Variants in STMN3 observed in about 807,000 individuals in gnomAD.
STMN3 encodes stathmin 3, also known as stathmin-3.
Under a neutral mutation model 23.2 loss-of-function variants are expected in STMN3, and 24 were observed. The observed-to-expected ratio is 1.03, with a 90% CI of 0.75 to 1.45. STMN3 has a LOEUF of 1.45. Ranked by LOEUF, STMN3 falls within the 40% of genes most tolerant of loss-of-function variation. The pLI is 0.00. For synonymous variants in STMN3, 117 were observed against 103.4 expected (o/e 1.13, Z -0.80); for missense variants, 235 against 237.6 (o/e 0.99, Z 0.07).
intron 1 of STMN3, among the ~76,000 whole-genome samples, chr20:63,649,444 C>G (rs1382903428): frequency 6.6e-6 from 1 of 152,118 alleles, no homozygotes; most frequent in African/African-American, 2.4e-5. Flanking sequence ...TGCCGAGGCC[C>G]AGACCCATCC....
At chr20:63,648,321 C>T (rs2089834246) in intron 1 of STMN3, among the ~76,000 whole-genome samples, 1 of 151,968 alleles carries the variant, frequency 6.6e-6, no homozygotes, top group African/African-American at 2.4e-5. Flanking sequence ...TACCTGGGTC[C>T]TGAGAGGATA....
At chr20:63,647,926 A>G (rs1159640276) in intron 1 of STMN3, among the ~76,000 whole-genome samples, 1 of 52,756 alleles carries the variant, frequency 1.9e-5, no homozygotes, top group East Asian at 2.3e-4. Flanking sequence ...ATTAATATAT[A>G]TACGTATATA....
rs767265773 is a variant in STMN3 at position 63,643,810 on chromosome 20, G to GCC, written c.236_237insGG (p.Asp79GlufsTer27). 36 of 1,561,866 alleles carry GCC rather than the reference G, an allele frequency of 2.3e-5. No individual in the cohort carries two copies. The highest frequency in any genetic ancestry group is 2.9e-5 in the Non-Finnish European group (34 of 1,163,906). Reference sequence around the variant, plus strand: ...GCTTTTGCAGCTCCTCCAGGGAGGTGTCCTTCTTCTTGGGTGGGGAGGAGA... The same window carrying GCC: ...GCTTTTGCAGCTCCTCCAGGGAGGTGCCTCCTTCTTCTTGGGTGGGGAGGAGA... On this transcript the variant is annotated frameshift_variant, in exon 3 of 5. Coordinates refer to ENST00000370053, the MANE Select transcript of STMN3 (RefSeq NM_015894.4). LOFTEE classifies it high-confidence loss of function.
rs1168365349 is a variant in STMN3 at position 63,647,930 on chromosome 20, G to A, written c.20-3621C>T. ...CGTGTGTATATATTAATATATATAC[G>A]TATATATGTGTGTGTGTGTATATAT... On this transcript the variant is annotated intron_variant, in intron 1 of 4. Transcript: ENST00000370053. 2.2e-4 allele frequency among the ~76,000 whole-genome samples: 14 copies of A among 64,836 alleles called. 1 individual carries two copies. Among genetic ancestry groups the A allele is most frequent in the South Asian group, 1.3e-3 (3 of 2,330 alleles). 42.5% of individuals were successfully genotyped at this position (64,836 alleles called of 152,430 possible).
chr20:63,650,679 C>T lies in STMN3; in HGVS notation c.19+2648G>A, dbSNP rs1314279211. On this transcript the variant is annotated intron_variant, in intron 1 of 4. Transcript: ENST00000370053. ...GACGCCCACCCGGGTGGATGGTGCC[C>T]GCTCCCAGGGTCACACCTCACGCCC... Among the ~76,000 whole-genome samples, 6 of 115,800 alleles carry T rather than the reference C, an allele frequency of 5.2e-5. 1 individual carries two copies. Among genetic ancestry groups the T allele is most frequent in the African/African-American group, 1.1e-4 (3 of 28,360 alleles). The allele number at this position is 115,800 out of a possible 152,430, so 76.0% of individuals were successfully genotyped here. A position where few individuals can be genotyped will look rare whatever the true frequency, so the allele number is the denominator to read the frequency against.
In STMN3 at chr20:63,652,742, G is replaced by C. The variant is rs1038104631; in HGVS notation, c.19+585C>G. On this transcript the variant is annotated intron_variant, in intron 1 of 4. Transcript: ENST00000370053. This position sits in a 1 kb window ranked among gnomAD's most constrained non-coding sequence, Gnocchi z 5.3. ...GCAGGTGGCGCGGGCGTCGCAAAGGGTGGTCCCCGAGGCCGCAGCGGTGTG... is the reference window on the plus strand; with the variant it reads ...GCAGGTGGCGCGGGCGTCGCAAAGGCTGGTCCCCGAGGCCGCAGCGGTGTG... 1 of 985,812 alleles carries C rather than the reference G, an allele frequency of 1.0e-6. No homozygotes were observed. Among genetic ancestry groups the C allele is most frequent in the African/African-American group, 1.7e-5 (1 of 57,254 alleles). 61.1% of individuals were successfully genotyped at this position (985,812 alleles called of 1,614,324 possible). A position where few individuals can be genotyped will look rare whatever the true frequency, so the allele number is the denominator to read the frequency against.
chr20:63,653,397 C>G lies in STMN3; in HGVS notation c.-52G>C, dbSNP rs745544428. The G allele has an allele frequency of 7.7e-7, 1 of 1,294,426 alleles. No individual in the cohort carries two copies. Among genetic ancestry groups the G allele is most frequent in the Admixed American group, 2.4e-5 (1 of 41,644 alleles). 80.2% of individuals were successfully genotyped at this position (1,294,426 alleles called of 1,614,324 possible). ...AGGCTGGAGAGGCGCAAGTGGCGGC[C>G]GGAGCTGCAGACGGCTGGTGCTGCA... On this transcript the variant is annotated 5_prime_UTR_variant, in exon 1 of 5. Transcript: ENST00000370053.
At chr20:63,647,871 C>A (rs183971715) in intron 1 of STMN3, among the ~76,000 whole-genome samples, 3 of 110,966 alleles carry the variant, frequency 2.7e-5, no homozygotes, top group African/African-American at 9.4e-5. Context: ...TATATATACA[C>A]GTGTATATAT....
At chr20:63,649,525 T>A (rs183097588) in intron 1 of STMN3, among the ~76,000 whole-genome samples, 1 of 151,878 alleles carries the variant, frequency 6.6e-6, no homozygotes, top group Non-Finnish European at 1.5e-5. Context: ...TTGCTCCCTC[T>A]CTCTCTCTCT....
At chr20:63,644,126 G>A (rs1163944858) in intron 2 of STMN3, 88 bp downstream of exon 2, 20 of 1,389,248 alleles carry the variant, frequency 1.4e-5, no homozygotes, top group Admixed American at 9.2e-5. Context: ...CAGCCAGGAC[G>A]GGAGTTCAGA....
chr20:63,642,776 C>T lies in STMN3; in HGVS notation c.292-477G>A, dbSNP rs560566057. Among the ~76,000 whole-genome samples the T allele has an allele frequency of 8.3e-3, 1,262 of 152,288 alleles. 13 individuals carry two copies. The highest frequency in any genetic ancestry group is 0.023 in the Admixed American group (352 of 15,304). ...TAGGTGCCCAGGAGCGGAGGGTCCC[C>T]AGGGATGCTGGGGGAGGGGCCGGCT... is the stretch of plus-strand genomic sequence containing the variant. On this transcript the variant is annotated intron_variant, in intron 3 of 4. Transcript: ENST00000370053.
Position 63,651,917 on chromosome 20 carries a change from C to A in STMN3, c.19+1410G>T, listed in dbSNP as rs1361402533. ...AGGAACCGAGCCCATGGGGAGGGACCGTCAGGGAAAGGCTGTCAGGAAGGG... is the reference window on the plus strand; with the variant it reads ...AGGAACCGAGCCCATGGGGAGGGACAGTCAGGGAAAGGCTGTCAGGAAGGG... On this transcript the variant is annotated intron_variant, in intron 1 of 4. Coordinates refer to ENST00000370053, the MANE Select transcript of STMN3 (RefSeq NM_015894.4). 2.0e-5 allele frequency among the ~76,000 whole-genome samples: 3 copies of A among 152,256 alleles called. No homozygotes were observed. In the East Asian group the frequency reaches 5.8e-4, roughly 29 times the overall value.
rs1555897555 is a variant in STMN3, at chr20:63,647,989, T to TACAC, written c.20-3681_20-3680insGTGT. ...ATATATATATATATATACATATATA[T>TACAC]ATACAGAGAGAGAGAGAGTAGTGAT... On this transcript the variant is annotated intron_variant, in intron 1 of 4. Transcript: ENST00000370053. Among the ~76,000 whole-genome samples, 54 of 81,802 alleles carry TACAC rather than the reference T, an allele frequency of 6.6e-4. 5 individuals carry two copies. The highest frequency in any genetic ancestry group is 5.4e-3 in the South Asian group (12 of 2,202). 53.7% of individuals were successfully genotyped at this position (81,802 alleles called of 152,430 possible).
At chr20:63,653,068 T>C (rs963612936) in intron 1 of STMN3, among the ~76,000 whole-genome samples, 2 of 151,512 alleles carry the variant, frequency 1.3e-5, no homozygotes, top group African/African-American at 4.8e-5. Context: ...CGTGGCACGC[T>C]GCTCCCCCAG....
At chr20:63,648,463 C>T (rs1355004554) in intron 1 of STMN3, among the ~76,000 whole-genome samples, 1 of 152,158 alleles carries the variant, frequency 6.6e-6, no homozygotes, top group African/African-American at 2.4e-5. Context: ...TGGCCGGGCG[C>T]AGTGGCTCAC....
Position 63,644,176 on chromosome 20 carries a change from G to C in STMN3, c.115+38C>G, listed in dbSNP as rs141932828. ...CCGGGGGAAAAGGTGAGGTGGGCAG[G>C]CACCGCAGGGAAGGGCAGGCGGCAG... On this transcript the variant is annotated intron_variant, in intron 2 of 4. Transcript: ENST00000370053. 1.3e-3 allele frequency: 2,100 copies of C among 1,561,930 alleles called. 66 individuals carry two copies. The East Asian group carries it at 0.035, about 26-fold the overall frequency.
chr20:63,644,111 A>T, intron 2 of STMN3, 103 bp downstream of exon 2: 1 of 1,350,530 alleles, frequency 7.4e-7, no homozygotes, highest in Non-Finnish European at 1.0e-6. Flanking sequence ...CTCCCTCTCC[A>T]GAGGCAGCCA....
At chr20:63,651,027 T>G (rs1424826746) in intron 1 of STMN3, among the ~76,000 whole-genome samples, 1 of 150,472 alleles carries the variant, frequency 6.6e-6, no homozygotes, top group South Asian at 2.1e-4. Context: ...TGGCACAATC[T>G]CAGCTCACTG....
intron 1 of STMN3, among the ~76,000 whole-genome samples, chr20:63,647,731 A>G (rs1394527928): frequency 1.7e-5 from 2 of 120,112 alleles, no homozygotes; most frequent in East Asian, 2.1e-4. Flanking sequence ...TATTATATAC[A>G]TATATATACA....
Sources: gnomAD v4.1 joint callset for allele counts (sites outside exome capture counted in the v4.1 genomes callset) on GRCh38, gnomAD v4.1.1 for gene constraint, Gnocchi (gnomAD v3.1) non-coding constraint, MANE v1.5 for transcripts, NCBI Gene and HGNC (gene_info 2026-07-23, HGNC 2026-07-21) for gene names.